PTPRC: variants seen among roughly 807,000 people sequenced by gnomAD.
PTPRC encodes protein tyrosine phosphatase receptor type C.
PTPRC carries 44 observed loss-of-function variants against 155.9 expected under a neutral mutation model. The observed-to-expected ratio is 0.28, with a 90% CI of 0.22 to 0.36. The LOEUF (loss-of-function observed/expected upper bound fraction) is 0.36. Among genes scored for constraint, PTPRC ranks in the 10% least tolerant of loss-of-function variants. The probability of loss-of-function intolerance (pLI) is 1.00; values close to 1 mark genes in which losing one functional copy is unlikely to be tolerated. For synonymous variants in PTPRC, 525 were observed against 533.1 expected (o/e 0.98, Z 0.21); for missense variants, 1,401 against 1,564.6 (o/e 0.90, Z 1.76).
rs1666556718 is a variant in PTPRC, at chr1:198,703,362, C to T, written c.648C>T (p.Thr216=). 1 of 1,612,798 alleles carries T rather than the reference C, an allele frequency of 6.2e-7. No homozygotes were observed. Among genetic ancestry groups the T allele is most frequent in the Admixed American group, 1.7e-5 (1 of 60,008 alleles). ...LSPSGSAVIS[T]TTIATTPSKP... is the part of the protein sequence containing the mutation. ...CTTCTGGAAGCGCTGTCATTTCAACCACAACAATAGGTGATATTACCCTCA... is the reference window on the plus strand; with the variant it reads ...CTTCTGGAAGCGCTGTCATTTCAACTACAACAATAGGTGATATTACCCTCA... Residue 216 remains threonine (T), a synonymous_variant, in exon 7 of 33, where the codon ACC becomes ACT. Transcript: ENST00000442510.
Position 198,732,397 on chromosome 1 carries a change from A to C in PTPRC, c.2065+7A>C. On this transcript the variant is annotated splice_region_variant and intron_variant, in intron 19 of 32. Coordinates refer to ENST00000442510, the MANE Select transcript of PTPRC (RefSeq NM_002838.5). ...TATGTTGACATTCTTCCTTGTGAGT[A>C]TTTATTGAGTGCTGAATTCCCATAT... The C allele has an allele frequency of 6.2e-7, 1 of 1,607,516 alleles. No individual in the cohort carries two copies. Among genetic ancestry groups the C allele is most frequent in the Non-Finnish European group, 8.5e-7 (1 of 1,174,546 alleles).
At chr1:198,714,641 A>G (rs979936230) in intron 12 of PTPRC, among the ~76,000 whole-genome samples, 3 of 152,148 alleles carry the variant, frequency 2.0e-5, no homozygotes, top group Non-Finnish European at 2.9e-5. Flanking sequence ...TCTACTCTAA[A>G]CAGCGTGCTC....
At chr1:198,681,278 A>G (rs1333174753) in intron 2 of PTPRC, among the ~76,000 whole-genome samples, 2 of 152,254 alleles carry the variant, frequency 1.3e-5, no homozygotes, top group African/African-American at 4.8e-5. Context: ...TGATAGGAAT[A>G]TACAGCATGG....
chr1:198,691,824 T>C (rs1159392821), intron 2 of PTPRC, among the ~76,000 whole-genome samples: 1 of 152,140 alleles, frequency 6.6e-6, no homozygotes, highest in Non-Finnish European at 1.5e-5. Context: ...GATCCTGTTA[T>C]GTTCTCCTTT....
chr1:198,741,945 A>T lies in PTPRC; in HGVS notation c.2480A>T (p.Asp827Val). The change falls in exon 24 of 33, where the codon GAT becomes GTT. Residue 827 changes from aspartate to valine, a missense_variant. By Grantham distance (152) the Asp-to-Val change is radical. This residue lies in a region of PTPRC where 134 missense variants were observed against 204.7 expected (regional missense o/e 0.65). Transcript: ENST00000442510. ...TSWPDHGVPE[D>V]PHLLLKLRRR... ...TGGCCAGACCACGGGGTGCCTGAGG[A>T]TCCTCACTTGCTCCTCAAACTGAGA... The T allele has an allele frequency of 6.2e-7, 1 of 1,612,182 alleles. No individual in the cohort carries two copies. The highest frequency in any genetic ancestry group is 8.5e-7 in the Non-Finnish European group (1 of 1,178,990).
rs1158057562 is a variant in PTPRC, at chr1:198,706,812, A to G, written c.764A>G (p.Asn255Ser). 1.9e-6 allele frequency: 3 copies of G among 1,613,220 alleles called. No homozygotes were observed. The highest frequency in any genetic ancestry group is 1.7e-6 in the Non-Finnish European group (2 of 1,179,258). The change falls in exon 9 of 33, where the codon AAT becomes AGT. Residue 255 changes from asparagine (N) to serine (S), a missense_variant. This residue lies in a region of PTPRC where 867 missense variants were observed against 970.4 expected (regional missense o/e 0.89). Transcript: ENST00000442510. Reference sequence around the variant, plus strand: ...TTATTTACAGCAAAGCTAAATGTTAATGAGAATGTGGAATGTGGAAACAAT... The same window carrying G: ...TTATTTACAGCAAAGCTAAATGTTAGTGAGAATGTGGAATGTGGAAACAAT... Reference protein sequence around the residue: ...TKLFTAKLNVNENVECGNNTC... With the variant: ...TKLFTAKLNVSENVECGNNTC...
At chr1:198,664,322 GT>G (rs1019836919) in intron 2 of PTPRC, among the ~76,000 whole-genome samples, 1 of 152,104 alleles carries the variant, frequency 6.6e-6, no homozygotes, top group Non-Finnish European at 1.5e-5. Flanking sequence ...ATTGCAAACT[GT>G]TTTGGCAGCA....
At chr1:198,699,749 C>G (rs753212808) in intron 5 of PTPRC, 45 bp downstream of exon 5, 1 of 1,609,006 alleles carries the variant, frequency 6.2e-7, no homozygotes, top group Non-Finnish European at 8.5e-7. Flanking sequence ...AAGTACATGA[C>G]GACTACCTGT....
intron 2 of PTPRC, among the ~76,000 whole-genome samples, chr1:198,688,151 A>T (rs1432854994): frequency 6.6e-6 from 1 of 152,038 alleles, no homozygotes; most frequent in African/African-American, 2.4e-5. Context: ...ATGAAATAAA[A>T]CATAGATTAC....
chr1:198,710,345 A>G (rs1653231872), intron 11 of PTPRC, among the ~76,000 whole-genome samples: 1 of 151,976 alleles, frequency 6.6e-6, no homozygotes, highest in Non-Finnish European at 1.5e-5. Flanking sequence ...CTTTGTAGTA[A>G]ATTTTGAAAC....
intron 10 of PTPRC, among the ~76,000 whole-genome samples, chr1:198,709,031 A>G (rs1001251028): frequency 2.6e-4 from 40 of 152,240 alleles, no homozygotes; most frequent in African/African-American, 9.2e-4. Flanking sequence ...GCAGACAAGG[A>G]AAGGAAGAGC....
intron 2 of PTPRC, among the ~76,000 whole-genome samples, chr1:198,663,891 G>A (rs1380780145): frequency 6.6e-6 from 1 of 151,972 alleles, no homozygotes; most frequent in Admixed American, 6.6e-5. Context: ...ATTAATGTAT[G>A]ACATCATGTT....
chr1:198,698,138 G>A (rs1666292493), intron 4 of PTPRC, among the ~76,000 whole-genome samples: 1 of 152,084 alleles, frequency 6.6e-6, no homozygotes, highest in African/African-American at 2.4e-5. Flanking sequence ...TGTATTTCAC[G>A]TCACATGCAC....
chr1:198,709,740 C>T lies in PTPRC; in HGVS notation c.1087C>T (p.His363Tyr). The T allele has an allele frequency of 6.2e-7, 1 of 1,607,786 alleles. No homozygotes were observed. Residue 363 changes from histidine (H) to tyrosine (Y), a missense_variant, in exon 11 of 33, where the codon CAT becomes TAT. Transcript: ENST00000442510. ...EIKLENLEPE[H>Y]EYKCDSEILY... is the part of the protein sequence containing the mutation. ...TAAATTAGAAAACCTTGAACCCGAA[C>T]ATGAGTATAAGTGTGACTCAGAAAT...
intron 26 of PTPRC, among the ~76,000 whole-genome samples, chr1:198,745,871 A>C (rs1400989206): frequency 6.6e-6 from 1 of 151,800 alleles, no homozygotes; most frequent in African/African-American, 2.4e-5. Context: ...TAAGTTGGAG[A>C]CTTTGATAGA....
chr1:198,732,170 A>G, intron 18 of PTPRC, 130 bp from the exon 19 acceptor site: 1 of 797,120 alleles, frequency 1.3e-6, no homozygotes, highest in Non-Finnish European at 2.1e-6. Context: ...TGATTACTCT[A>G]AGCAAATTTT....
At chr1:198,704,540 T>C (rs1194257773) in intron 8 of PTPRC, 42 bp downstream of exon 8, 1 of 1,613,794 alleles carries the variant, frequency 6.2e-7, no homozygotes, top group Non-Finnish European at 8.5e-7. Flanking sequence ...CACTTTGGAA[T>C]AGCACTTTAA....
chr1:198,670,458 C>A (rs1315263962), intron 2 of PTPRC, among the ~76,000 whole-genome samples: 1 of 152,006 alleles, frequency 6.6e-6, no homozygotes, highest in African/African-American at 2.4e-5. Context: ...TAATAACTTA[C>A]ACAAAAAATT....
At chr1:198,695,452 T>C in intron 3 of PTPRC, among the ~76,000 whole-genome samples, 1 of 150,778 alleles carries the variant, frequency 6.6e-6, no homozygotes, top group South Asian at 2.1e-4. Context: ...AATACATCTT[T>C]ATAATTCCAA....
Sources: allele counts gnomAD v4.1 joint callset (sites outside exome capture counted in the v4.1 genomes callset), GRCh38; gene constraint gnomAD v4.1.1; regional missense constraint gnomAD v4.1.1; transcripts MANE v1.5; gene names NCBI Gene and HGNC (gene_info 2026-07-23, HGNC 2026-07-21).